Variants in PDE2A observed in about 807,000 individuals in gnomAD.
PDE2A encodes phosphodiesterase 2A, also known as cGMP-dependent 3',5'-cyclic phosphodiesterase.
PDE2A carries 53 observed loss-of-function variants against 133.6 expected under a neutral mutation model. The observed-to-expected ratio is 0.40, with a 90% CI of 0.32 to 0.50. The LOEUF (loss-of-function observed/expected upper bound fraction) is 0.50. Ranked by LOEUF, PDE2A falls within the 20% of genes least tolerant of loss-of-function variation. The pLI is 0.73. For missense variants in PDE2A, 796 were observed against 1,232.4 expected (o/e 0.65, Z 5.30); for synonymous variants, 491 against 490.2 (o/e 1.00, Z -0.02).
intron 2 of PDE2A, among the ~76,000 whole-genome samples, chr11:72,612,803 G>C (rs1255604738): frequency 6.6e-6 from 1 of 152,084 alleles, no homozygotes; most frequent in East Asian, 1.9e-4. Flanking sequence ...TCCAAGGTAA[G>C]GCCAGTCAGC....
At position 72,576,823 on chromosome 11, in the gene PDE2A, G is replaced by C. The variant is rs1855494372; in HGVS notation, c.*561C>G. ...CTGCCCCTCTGGCAGCTTCTTCCTGGGGCCCCTGTATCCCCCAGGTCCCAA... is the reference window on the plus strand; with the variant it reads ...CTGCCCCTCTGGCAGCTTCTTCCTGCGGCCCCTGTATCCCCCAGGTCCCAA... On this transcript the variant is annotated 3_prime_UTR_variant, in exon 31 of 31. Coordinates refer to ENST00000334456, the MANE Select transcript of PDE2A (RefSeq NM_002599.5). The C allele has an allele frequency of 1.8e-5, 3 of 169,524 alleles. No individual in the cohort carries two copies. The South Asian group carries it at 6.1e-4, about 34-fold the overall frequency. 10.5% of individuals were successfully genotyped at this position (169,524 alleles called of 1,614,324 possible). A position where few individuals can be genotyped will look rare whatever the true frequency, so the allele number is the denominator to read the frequency against.
chr11:72,602,881 G>C (rs1449169853), intron 4 of PDE2A, among the ~76,000 whole-genome samples: 5 of 152,182 alleles, frequency 3.3e-5, no homozygotes, highest in Non-Finnish European at 7.3e-5. Context: ...CATCCTGCTG[G>C]GAGCTCCTGA....
chr11:72,646,841 CA>C (rs1216124788), intron 1 of PDE2A, among the ~76,000 whole-genome samples: 2 of 152,214 alleles, frequency 1.3e-5, no homozygotes, highest in African/African-American at 4.8e-5. Flanking sequence ...ATCATACTTT[CA>C]TTAATTCATT....
intron 4 of PDE2A, among the ~76,000 whole-genome samples, chr11:72,602,304 G>A (rs571481105): frequency 6.5e-4 from 99 of 152,242 alleles, no homozygotes; most frequent in African/African-American, 2.3e-3. Flanking sequence ...CCTCACTCCC[G>A]CCTTGACCCT....
intron 1 of PDE2A, chr11:72,649,339 G>T (rs1480409336): frequency 6.6e-6 from 1 of 152,250 alleles, no homozygotes; most frequent in African/African-American, 2.4e-5. Context: ...TCCCAGCCAG[G>T]TATGCCCCCT....
chr11:72,633,844 T>C (rs1428287012), intron 2 of PDE2A, among the ~76,000 whole-genome samples: 2 of 152,162 alleles, frequency 1.3e-5, no homozygotes, highest in African/African-American at 2.4e-5. Context: ...TAGGTGCCTG[T>C]GTGCTTAGCG....
intron 2 of PDE2A, among the ~76,000 whole-genome samples, chr11:72,614,046 C>T (rs1476612750): frequency 6.6e-6 from 1 of 152,226 alleles, no homozygotes; most frequent in African/African-American, 2.4e-5. Context: ...AGCCTCGGCC[C>T]CTGGCCTCAG....
intron 2 of PDE2A, among the ~76,000 whole-genome samples, chr11:72,613,835 C>A (rs1057352839): frequency 6.6e-6 from 1 of 152,208 alleles, no homozygotes; most frequent in African/African-American, 2.4e-5. Context: ...TGCTTCCTGC[C>A]TCCTGTTCCG....
chr11:72,627,984 C>T (rs1858170146), intron 2 of PDE2A, among the ~76,000 whole-genome samples: 1 of 152,234 alleles, frequency 6.6e-6, no homozygotes, highest in Non-Finnish European at 1.5e-5. Context: ...GGTAACCATC[C>T]CAGGAGGGTG....
In PDE2A at chr11:72,586,171, C is replaced by A; in HGVS notation, c.1081G>T (p.Glu361Ter). The A allele has an allele frequency of 6.2e-7, 1 of 1,607,226 alleles. No individual in the cohort carries two copies. The highest frequency in any genetic ancestry group is 1.1e-5 in the South Asian group (1 of 90,246). The change falls in exon 14 of 31, where the codon GAG becomes TAG. Residue 361 changes from glutamate (E) to a stop codon, truncating the protein, a stop_gained. Transcript: ENST00000334456. LOFTEE classifies it high-confidence loss of function. ...CAGTGCTGGATCACATGCTCGTCCT[C>A]GTCGGTGAACCTGGAGGAGGGGGTG... The part of the protein sequence containing the change: ...NKLEGDLFTD[E>*]DEHVIQHCFH...
chr11:72,588,810 G>A lies in PDE2A; in HGVS notation c.1044C>T (p.Cys348=), dbSNP rs138984931. ...AGTCTCCTTCTAGCTTGTTGAAGGC[G>A]CAGGCCAAGGCCACCACCTGGTCAG... The part of the protein sequence containing the change: ...RATDQVVALA[C]AFNKLEGDLF... Residue 348 remains cysteine, a synonymous_variant, in exon 13 of 31, where the codon TGC becomes TGT. Transcript: ENST00000334456. 268 of 1,606,630 alleles carry A rather than the reference G, an allele frequency of 1.7e-4. No individual in the cohort carries two copies. The highest frequency in any genetic ancestry group is 1.3e-3 in the African/African-American group (98 of 74,898).
At chr11:72,606,403 A>C (rs1856974155) in intron 3 of PDE2A, among the ~76,000 whole-genome samples, 1 of 152,184 alleles carries the variant, frequency 6.6e-6, no homozygotes. Context: ...GTTGCCTTCC[A>C]TGACTCTGAG....
At chr11:72,613,313 T>G (rs1397416260) in intron 2 of PDE2A, among the ~76,000 whole-genome samples, 2 of 151,914 alleles carry the variant, frequency 1.3e-5, no homozygotes, top group Non-Finnish European at 2.9e-5. Flanking sequence ...CTTGGGACTG[T>G]CCGTTCACAC....
At chr11:72,658,320 T>C (rs1053413784) in intron 1 of PDE2A, 5 of 363,930 alleles carry the variant, frequency 1.4e-5, no homozygotes, top group Non-Finnish European at 2.2e-5. Flanking sequence ...GCTACCCTCC[T>C]GGCAGCCAGA....
At position 72,578,343 on chromosome 11, in the gene PDE2A, C is replaced by T. The variant is rs778172834; in HGVS notation, c.2509-4G>A. ...GCCTGTTGCCCATGGCCTTCTCCTG[C>T]AGGCATCGAGTCGTCAGGCCTGTCC... On this transcript the variant is annotated splice_region_variant and splice_polypyrimidine_tract_variant and intron_variant, in intron 29 of 30. Coordinates refer to ENST00000334456, the MANE Select transcript of PDE2A (RefSeq NM_002599.5). This position sits in a 1 kb window ranked among gnomAD's most constrained non-coding sequence, Gnocchi z 4.2. 1.7e-5 allele frequency: 27 copies of T among 1,606,206 alleles called. No individual in the cohort carries two copies. In the Middle Eastern group the frequency reaches 5.0e-4, roughly 30 times the overall value.
chr11:72,617,786 G>A (rs996993770), intron 2 of PDE2A, among the ~76,000 whole-genome samples: 3 of 152,210 alleles, frequency 2.0e-5, no homozygotes, highest in Non-Finnish European at 4.4e-5. Flanking sequence ...CCAAGGCAGA[G>A]TTGGGAGAAG....
At chr11:72,631,566 TGACA>T (rs925920701) in intron 2 of PDE2A, among the ~76,000 whole-genome samples, 35 of 152,310 alleles carry the variant, frequency 2.3e-4, no homozygotes, top group African/African-American at 8.2e-4. Flanking sequence ...GGGCCTTTAC[TGACA>T]GACAACCAAG....
intron 1 of PDE2A, among the ~76,000 whole-genome samples, chr11:72,652,334 A>T (rs1008953427): frequency 6.6e-6 from 1 of 151,868 alleles, no homozygotes; most frequent in East Asian, 1.9e-4. Flanking sequence ...CTGATCTGGA[A>T]CTCCAGGGCT....
chr11:72,657,775 CTG>C (rs1854938275), intron 1 of PDE2A: 3 of 454,078 alleles, frequency 6.6e-6, no homozygotes, highest in Non-Finnish European at 8.8e-6. Context: ...CCCAATCCAG[CTG>C]TGCCCTTCCC....
Sources: allele counts gnomAD v4.1 joint callset (sites outside exome capture counted in the v4.1 genomes callset), GRCh38; gene constraint gnomAD v4.1.1; non-coding constraint Gnocchi (gnomAD v3.1); transcripts MANE v1.5; gene names NCBI Gene and HGNC (gene_info 2026-07-23, HGNC 2026-07-21).